The following C21orf58 variants were observed in gnomAD, a reference collection of about 807,000 sequenced individuals.
The protein encoded by C21orf58 is chromosome 21 open reading frame 58, also known as uncharacterized protein C21orf58.
C21orf58 carries 34 observed loss-of-function variants against 35.8 expected under a neutral mutation model. The observed-to-expected ratio is 0.95, with a 90% CI of 0.72 to 1.26. The LOEUF is 1.26. Ranked by LOEUF, C21orf58 falls within the 50% of genes most tolerant of loss-of-function variation. The pLI is 0.00. For missense variants in C21orf58, 440 were observed against 414.3 expected, an observed-to-expected ratio of 1.06 and a Z score of -0.54; for synonymous variants, 191 against 175.8, an observed-to-expected ratio of 1.09 and a Z score of -0.68.
chr21:46,309,331 A>G (rs1476202850), intron 6 of C21orf58, among the ~76,000 whole-genome samples: 1 of 151,082 alleles, frequency 6.6e-6, no homozygotes, highest in Non-Finnish European at 1.5e-5. Context: ...GCATGGTGGC[A>G]GGCGCCTGTA....
chr21:46,318,890 C>T (rs116492284), intron 1 of C21orf58: 205 of 980,806 alleles, frequency 2.1e-4, no homozygotes, highest in African/African-American at 1.4e-3. Flanking sequence ...TTAAACTCCA[C>T]GTTGATGAGT....
At chr21:46,309,118 A>T (rs1278127353) in intron 6 of C21orf58, among the ~76,000 whole-genome samples, 1 of 152,232 alleles carries the variant, frequency 6.6e-6, no homozygotes, top group East Asian at 1.9e-4. Flanking sequence ...CAGGAGTTCG[A>T]GACCAGTCTG....
chr21:46,317,155 T>C (rs2083001670), intron 3 of C21orf58, 53 bp downstream of exon 3: 2 of 1,560,278 alleles, frequency 1.3e-6, no homozygotes, highest in Non-Finnish European at 1.7e-6. Flanking sequence ...CCCCCTGGAG[T>C]GGCTACACTT....
intron 1 of C21orf58, among the ~76,000 whole-genome samples, chr21:46,319,908 T>G (rs1468585655): frequency 6.7e-6 from 1 of 149,784 alleles, no homozygotes; most frequent in African/African-American, 2.5e-5. Context: ...GGAAAAAAAA[T>G]AAAAAAAATA....
chr21:46,315,826 C>T (rs545422279), intron 3 of C21orf58, among the ~76,000 whole-genome samples: 9 of 152,238 alleles, frequency 5.9e-5, no homozygotes, highest in East Asian at 1.9e-4. Flanking sequence ...TGAAATGACG[C>T]GACCAGGTTC....
Position 46,318,122 on chromosome 21 carries a change from C to T in C21orf58, c.199G>A (p.Gly67Ser). 2 of 1,613,160 alleles carry T rather than the reference C, an allele frequency of 1.2e-6. No individual in the cohort carries two copies. The highest frequency in any genetic ancestry group is 1.1e-5 in the South Asian group (1 of 91,088). The stretch of plus-strand genomic sequence containing the variant: ...AGGGGCAGGGGAGGCCACAGCCCAC[C>T]TCCCTCCCTGGTTCTGTTACTCGCA... ...FPASNRTREG[G>S]GLWPPLPLQS... The change falls in exon 2 of 8, where the codon GGT (glycine) becomes AGT (serine). Residue 67 changes from glycine to serine, a missense_variant. Physicochemically the swap from Gly to Ser is moderately conservative, Grantham distance 56. Coordinates refer to ENST00000291691, the MANE Select transcript of C21orf58 (RefSeq NM_058180.5).
chr21:46,305,528 A>G (rs903093715), intron 6 of C21orf58, among the ~76,000 whole-genome samples: 3 of 151,962 alleles, frequency 2.0e-5, no homozygotes, highest in Non-Finnish European at 2.9e-5. Context: ...AGAGGTCTCA[A>G]TATGTTGCCC....
At chr21:46,319,758 G>A (rs1405287599) in intron 1 of C21orf58, among the ~76,000 whole-genome samples, 1 of 151,908 alleles carries the variant, frequency 6.6e-6, no homozygotes, top group African/African-American at 2.4e-5. Context: ...TTAGCCAGGC[G>A]TCGTGGTAGG....
Position 46,302,484 on chromosome 21 carries a change from C to T in C21orf58, c.813+1G>A, listed in dbSNP as rs753500435. 18 of 1,603,914 alleles carry T rather than the reference C, an allele frequency of 1.1e-5. No homozygotes were observed. The East Asian group carries it at 2.9e-4, about 26-fold the overall frequency. Reference sequence around the variant, plus strand: ...AGGGTTCTGCTGGGGGCTAAGCCTACCTGCAGGGCTGGGGGCAGGGCCTTG... The same window carrying T: ...AGGGTTCTGCTGGGGGCTAAGCCTATCTGCAGGGCTGGGGGCAGGGCCTTG... On this transcript the variant is annotated splice_donor_variant, in intron 7 of 7. Transcript: ENST00000291691. LOFTEE classifies it high-confidence loss of function.
At chr21:46,301,109 A>T, downstream of C21orf58, 1 of 1,005,954 alleles carries the variant, frequency 9.9e-7, no homozygotes, top group Non-Finnish European at 1.2e-6. Flanking sequence ...TTAACTCAAA[A>T]GGGATCACGT....
chr21:46,310,815 C>T (rs2082647919), intron 6 of C21orf58, among the ~76,000 whole-genome samples: 1 of 151,240 alleles, frequency 6.6e-6, no homozygotes, highest in Non-Finnish European at 1.5e-5. Context: ...CTCTCTCTCT[C>T]TCTCTAAATA....
At chr21:46,312,918 A>G in intron 5 of C21orf58, 6 of 853,272 alleles carry the variant, frequency 7.0e-6, no homozygotes, top group Non-Finnish European at 8.5e-6. Context: ...ACGTCATGAA[A>G]ATGAACTTTG....
chr21:46,321,328 C>T (rs1296480181), intron 1 of C21orf58, among the ~76,000 whole-genome samples: 1 of 152,116 alleles, frequency 6.6e-6, no homozygotes, highest in Non-Finnish European at 1.5e-5. Context: ...GCCATCATGC[C>T]CAGCTAATTT....
chr21:46,315,037 T>C, intron 4 of C21orf58, 157 bp from the exon 5 acceptor site: 3 of 1,531,414 alleles, frequency 2.0e-6, no homozygotes, highest in Non-Finnish European at 1.8e-6. Context: ...GTTATGTGCA[T>C]GAGGGTGGCC....
intron 5 of C21orf58, among the ~76,000 whole-genome samples, chr21:46,312,350 C>T (rs1380776120): frequency 6.6e-6 from 1 of 151,974 alleles, no homozygotes; most frequent in East Asian, 1.9e-4. Context: ...CAAAGTCTTG[C>T]TCTTGTCGCC....
At chr21:46,318,349 A>T in intron 1 of C21orf58, 129 bp from the exon 2 acceptor site, 1 of 1,481,032 alleles carries the variant, frequency 6.8e-7, no homozygotes, top group Non-Finnish European at 8.9e-7. Context: ...CCAGGTTGCC[A>T]GGTTTCCACT....
chr21:46,307,885 A>G (rs2082493612), intron 6 of C21orf58, among the ~76,000 whole-genome samples: 2 of 152,222 alleles, frequency 1.3e-5, no homozygotes, highest in African/African-American at 4.8e-5. Context: ...GGATAAAATG[A>G]GAAAGACTGA....
intron 2 of C21orf58, among the ~76,000 whole-genome samples, chr21:46,317,798 C>T (rs1298385769): frequency 1.3e-5 from 2 of 152,244 alleles, no homozygotes; most frequent in Non-Finnish European, 2.9e-5. Context: ...ACCCTGTGCT[C>T]AGTGGCCTGC....
intron 6 of C21orf58, among the ~76,000 whole-genome samples, chr21:46,306,231 G>A (rs576787882): frequency 4.6e-4 from 70 of 152,090 alleles, no homozygotes; most frequent in African/African-American, 1.1e-3. Context: ...AGGTAGGGCC[G>A]GGCATGGTGG....
Sources: allele counts gnomAD v4.1 joint callset (sites outside exome capture counted in the v4.1 genomes callset), GRCh38; gene constraint gnomAD v4.1.1; transcripts MANE v1.5; gene names NCBI Gene and HGNC (gene_info 2026-07-23, HGNC 2026-07-21).